Variants in TBCA observed in about 807,000 individuals in gnomAD.
TBCA encodes the protein tubulin folding cofactor A, also known as tubulin-specific chaperone A.
In TBCA, 6 loss-of-function variants were observed where a neutral mutation model predicts 15.8. The ratio of observed to expected loss-of-function variants is 0.38; its 90% CI spans 0.21 to 0.75. The LOEUF (loss-of-function observed/expected upper bound fraction) is 0.75. TBCA is among the 30% of genes least tolerant of loss of function. The pLI, the probability that TBCA is intolerant of heterozygous loss-of-function variation, is 0.46. For missense variants in TBCA, 90 were observed against 131.2 expected, an observed-to-expected ratio of 0.69 and a Z score of 1.53; for synonymous variants, 32 against 42.3, an observed-to-expected ratio of 0.76 and a Z score of 0.94.
rs1285342396 is a variant in TBCA, at chr5:77,754,246, C to T, written c.53+21959G>A. Among the ~76,000 whole-genome samples the T allele has an allele frequency of 3.9e-5, 6 of 152,278 alleles. No individual in the cohort carries two copies. In the South Asian group the frequency reaches 1.0e-3, roughly 26 times the overall value. On this transcript the variant is annotated intron_variant, in intron 1 of 3. Transcript: ENST00000380377. ...ATAAAATTACTTTTCTTTAACCTTT[C>T]TTACCAAAAATACCTATTTATTTCT...
chr5:77,746,158 G>A (rs537927763), intron 1 of TBCA, among the ~76,000 whole-genome samples: 16 of 152,106 alleles, frequency 1.1e-4, no homozygotes, highest in Non-Finnish European at 1.8e-4. Context: ...CCCGGCCGTG[G>A]TAGCTCAGAC....
At chr5:77,731,516 AT>A (rs1307016120) in intron 1 of TBCA, among the ~76,000 whole-genome samples, 1 of 151,966 alleles carries the variant, frequency 6.6e-6, no homozygotes, top group Non-Finnish European at 1.5e-5. Context: ...ATCCAATCCT[AT>A]TTTTTCTTTG....
At chr5:77,703,430 A>C (rs998661515) in intron 2 of TBCA, among the ~76,000 whole-genome samples, 4 of 152,224 alleles carry the variant, frequency 2.6e-5, no homozygotes, top group African/African-American at 9.6e-5. Flanking sequence ...TCAGAAGCAG[A>C]AGGCTAAAAT....
intron 1 of TBCA, among the ~76,000 whole-genome samples, chr5:77,749,796 T>G (rs531171074): frequency 6.6e-6 from 1 of 152,160 alleles, no homozygotes; most frequent in African/African-American, 2.4e-5. Flanking sequence ...CAGCAAAACT[T>G]TGGAAACAAT....
intron 1 of TBCA, among the ~76,000 whole-genome samples, chr5:77,716,145 TC>T (rs1746394909): frequency 6.6e-6 from 1 of 152,104 alleles, no homozygotes; most frequent in African/African-American, 2.4e-5. Context: ...TTTAAAAGAG[TC>T]AATGAAAATA....
At chr5:77,731,820 A>T (rs1746778081) in intron 1 of TBCA, among the ~76,000 whole-genome samples, 1 of 152,228 alleles carries the variant, frequency 6.6e-6, no homozygotes, top group African/African-American at 2.4e-5. Flanking sequence ...TTTCCAAAAA[A>T]TAAAATACTT....
At chr5:77,761,210 G>A (rs367764300) in intron 1 of TBCA, among the ~76,000 whole-genome samples, 2 of 152,076 alleles carry the variant, frequency 1.3e-5, no homozygotes, top group African/African-American at 4.8e-5. Context: ...GAAATGTGGG[G>A]AAAAGAAAGA....
chr5:77,724,822 G>A (rs1044617224), intron 1 of TBCA, among the ~76,000 whole-genome samples: 2 of 152,152 alleles, frequency 1.3e-5, no homozygotes, highest in African/African-American at 2.4e-5. Flanking sequence ...GTGTACACTA[G>A]AGTGTACATT....
chr5:77,728,489 G>A (rs1181559916), intron 1 of TBCA, among the ~76,000 whole-genome samples: 1 of 152,106 alleles, frequency 6.6e-6, no homozygotes, highest in Non-Finnish European at 1.5e-5. Flanking sequence ...TCTGACTAGG[G>A]AAAGGAAAGA....
intron 1 of TBCA, among the ~76,000 whole-genome samples, chr5:77,765,114 T>C (rs1747740369): frequency 6.6e-6 from 1 of 152,170 alleles, no homozygotes; most frequent in Admixed American, 6.5e-5. Flanking sequence ...AAAACGGCAC[T>C]ATTTTACATT....
chr5:77,743,191 T>A (rs1747091052), intron 1 of TBCA, among the ~76,000 whole-genome samples: 2 of 152,204 alleles, frequency 1.3e-5, no homozygotes, highest in Admixed American at 1.3e-4. Flanking sequence ...GCCAGTGTCA[T>A]AAATTACTAC....
intron 1 of TBCA, among the ~76,000 whole-genome samples, chr5:77,751,159 C>CTTT (rs10573352): frequency 1.8e-4 from 15 of 81,884 alleles, no homozygotes; most frequent in South Asian, 4.5e-4. Context: ...TTCTTTCTTT[C>CTTT]TTTTTTTTTT....
chr5:77,774,631 G>T (rs1332460353), intron 1 of TBCA, among the ~76,000 whole-genome samples: 3 of 152,156 alleles, frequency 2.0e-5, no homozygotes, highest in Non-Finnish European at 4.4e-5. Context: ...TCAAACCAAT[G>T]TACATCGTAC....
At chr5:77,728,413 G>A (rs1746678715) in intron 1 of TBCA, among the ~76,000 whole-genome samples, 1 of 152,080 alleles carries the variant, frequency 6.6e-6, no homozygotes, top group South Asian at 2.1e-4. Flanking sequence ...TTTTAAGCCA[G>A]TAGCTGAGGA....
At chr5:77,708,116 T>C in intron 2 of TBCA, 126 bp downstream of exon 2, 5 of 627,928 alleles carry the variant, frequency 8.0e-6, no homozygotes, top group Non-Finnish European at 1.3e-5. Flanking sequence ...TATCTTTAAA[T>C]GGAAGTTTTA....
At chr5:77,693,990 T>C (rs461002) in intron 2 of TBCA, among the ~76,000 whole-genome samples, 58,411 of 151,934 alleles carry the variant, frequency 0.38, 11,282 homozygotes, top group South Asian at 0.41. Flanking sequence ...CCCCTGCTGT[T>C]GCAAAGCACC....
intron 1 of TBCA, among the ~76,000 whole-genome samples, chr5:77,742,073 C>T (rs990153346): frequency 1.3e-5 from 2 of 152,306 alleles, no homozygotes; most frequent in South Asian, 2.1e-4. Context: ...CTGAGGCCCA[C>T]AGGCCAAAGC....
rs1430251085 is a variant in TBCA at position 77,701,684 on chromosome 5, T to C, written c.159+6558A>G. Among the ~76,000 whole-genome samples the C allele has an allele frequency of 7.4e-5, 3 of 40,278 alleles. No homozygotes were observed. The South Asian group carries it at 2.3e-3, about 31-fold the overall frequency. 26.4% of individuals were successfully genotyped at this position (40,278 alleles called of 152,430 possible). ...ACAAGTGGATAAACTGTGGCATGCA[T>C]ATATATATATATATATATATATATA... On this transcript the variant is annotated intron_variant, in intron 2 of 3. Coordinates refer to ENST00000380377, the MANE Select transcript of TBCA (RefSeq NM_004607.3).
At chr5:77,693,051 CTGAA>C (rs1745790966) in intron 3 of TBCA, 1 of 1,430,380 alleles carries the variant, frequency 7.0e-7, no homozygotes, top group Non-Finnish European at 9.1e-7. Context: ...TTTTAATAAA[CTGAA>C]CAAACATGCT....
Sources: gnomAD v4.1 joint callset for allele counts (sites outside exome capture counted in the v4.1 genomes callset) on GRCh38, gnomAD v4.1.1 for gene constraint, MANE v1.5 for transcripts, NCBI Gene and HGNC (gene_info 2026-07-23, HGNC 2026-07-21) for gene names.